HMG20A: variants seen among roughly 807,000 people sequenced by gnomAD.
HMG20A encodes the protein high mobility group 20A, also known as high mobility group protein 20A.
A neutral mutation model predicts 43.9 loss-of-function variants in HMG20A; 17 were observed. The ratio of observed to expected loss-of-function variants is 0.39; its 90% CI spans 0.27 to 0.58. The LOEUF is 0.58. HMG20A is among the 20% of genes least tolerant of loss of function. HMG20A has a pLI of 0.59. For missense variants in HMG20A, 341 were observed against 438.2 expected, an observed-to-expected ratio of 0.78 and a Z score of 1.98; for synonymous variants, 132 against 147.5, an observed-to-expected ratio of 0.89 and a Z score of 0.76.
chr15:77,426,314 C>T (rs532491838), intron 1 of HMG20A, among the ~76,000 whole-genome samples: 145 of 152,186 alleles, frequency 9.5e-4, no homozygotes, highest in African/African-American at 3.3e-3. Context: ...AAGTTAACTA[C>T]GTAAATAGCT....
chr15:77,474,741 A>G (rs991324915), intron 6 of HMG20A, among the ~76,000 whole-genome samples: 1 of 152,232 alleles, frequency 6.6e-6, no homozygotes, highest in African/African-American at 2.4e-5. Context: ...GCCATTCTGC[A>G]TAGCAGTGGG....
chr15:77,514,881 G>A, the HMG20A span, among the ~76,000 whole-genome samples: 1 of 152,196 alleles, frequency 6.6e-6, no homozygotes, highest in Non-Finnish European at 1.5e-5. Flanking sequence ...CTCTGCATGT[G>A]CTGTGGGGAT....
At chr15:77,471,142 GT>G (rs2072804659) in intron 5 of HMG20A, 100 bp downstream of exon 5, 3 of 1,226,526 alleles carry the variant, frequency 2.4e-6, no homozygotes, top group Non-Finnish European at 3.3e-6. Context: ...ATGTGTTTCT[GT>G]TTTTTCTCCA....
chr15:77,421,105 G>T, intron 1 of HMG20A, 101 bp downstream of exon 1: 1 of 385,898 alleles, frequency 2.6e-6, no homozygotes, highest in Non-Finnish European at 4.6e-6. Flanking sequence ...GTTTGTCTCA[G>T]TTGGAGGCCG....
At chr15:77,478,062 T>G in intron 7 of HMG20A, 1 of 564,276 alleles carries the variant, frequency 1.8e-6, no homozygotes, top group Non-Finnish European at 3.2e-6. Flanking sequence ...ATTGAAACTG[T>G]TTGTTGCAAT....
chr15:77,478,270 T>A (rs1410615291), intron 7 of HMG20A, 25 bp from the exon 8 acceptor site: 8 of 1,610,356 alleles, frequency 5.0e-6, no homozygotes, highest in Non-Finnish European at 6.8e-6. Flanking sequence ...GTGCTGCATG[T>A]GTTCTGTGGG....
intron 6 of HMG20A, among the ~76,000 whole-genome samples, chr15:77,476,123 C>T (rs2072852512): frequency 6.6e-6 from 1 of 152,184 alleles, no homozygotes; most frequent in African/African-American, 2.4e-5. Context: ...AGATTTCCCT[C>T]TTAAGCTGTG....
chr15:77,488,328 G>T (rs1046073077), downstream of HMG20A, among the ~76,000 whole-genome samples: 3 of 152,138 alleles, frequency 2.0e-5, 1 homozygote, highest in Admixed American at 2.0e-4. Flanking sequence ...GGAATACAAA[G>T]ATGTTTATAA....
intron 1 of HMG20A, among the ~76,000 whole-genome samples, chr15:77,425,579 C>T (rs1465072048): frequency 6.6e-6 from 1 of 151,922 alleles, no homozygotes; most frequent in Non-Finnish European, 1.5e-5. Flanking sequence ...CTGATCTCTG[C>T]TCCTCAATTT....
chr15:77,449,797 C>T (rs141266251), intron 1 of HMG20A, among the ~76,000 whole-genome samples: 5 of 152,256 alleles, frequency 3.3e-5, no homozygotes, highest in Non-Finnish European at 7.4e-5. Flanking sequence ...AATCAATGAA[C>T]CTATATTGAC....
At chr15:77,443,583 G>T (rs575475650) in intron 1 of HMG20A, among the ~76,000 whole-genome samples, 51 of 151,382 alleles carry the variant, frequency 3.4e-4, no homozygotes, top group Admixed American at 7.2e-4. Context: ...GTAGAGACAG[G>T]GTTTCACCAT....
intron 1 of HMG20A, among the ~76,000 whole-genome samples, chr15:77,438,944 C>T (rs140855802): frequency 0.023 from 3,442 of 152,234 alleles, 109 homozygotes; most frequent in African/African-American, 0.072. Flanking sequence ...GCACCTGTCA[C>T]CACGCCCGGC....
At chr15:77,490,498 T>C (rs1254299218), downstream of HMG20A, among the ~76,000 whole-genome samples, 1 of 151,346 alleles carries the variant, frequency 6.6e-6, no homozygotes, top group African/African-American at 2.4e-5. Context: ...TGCTGAGGAG[T>C]GGGATGTGGA....
intron 1 of HMG20A, among the ~76,000 whole-genome samples, chr15:77,447,542 T>G (rs554451725): frequency 8.5e-5 from 13 of 152,212 alleles, no homozygotes; most frequent in Non-Finnish European, 1.8e-4. Flanking sequence ...TCTCTTTTGA[T>G]GATCTAGTAC....
chr15:77,474,430 C>T (rs1353315797), intron 6 of HMG20A, among the ~76,000 whole-genome samples: 1 of 152,162 alleles, frequency 6.6e-6, no homozygotes, highest in Admixed American at 6.5e-5. Context: ...TACCCAGAAT[C>T]ACTTACTGAA....
intron 9 of HMG20A, among the ~76,000 whole-genome samples, chr15:77,481,564 C>T (rs1408127669): frequency 6.6e-6 from 1 of 152,140 alleles, no homozygotes; most frequent in African/African-American, 2.4e-5. Flanking sequence ...AGCATTTTGC[C>T]AGTAAGACTC....
the HMG20A span, among the ~76,000 whole-genome samples, chr15:77,497,678 AGAGAGTGTGT>A: frequency 1.5e-3 from 189 of 129,486 alleles, no homozygotes; most frequent in Middle Eastern, 0.013. Context: ...AGAGAGAGAG[AGAGAGTGTGT>A]GTGTGTGTGT....
downstream of HMG20A, among the ~76,000 whole-genome samples, chr15:77,488,834 AACTT>A (rs1277255537): frequency 2.0e-5 from 3 of 152,340 alleles, no homozygotes; most frequent in East Asian, 5.8e-4. Context: ...TATTTTGTGA[AACTT>A]ACACTTCAGA....
chr15:77,421,936 A>G (rs2073359271), intron 1 of HMG20A, among the ~76,000 whole-genome samples: 1 of 152,236 alleles, frequency 6.6e-6, no homozygotes, highest in South Asian at 2.1e-4. Flanking sequence ...TTTAAAGTAT[A>G]AAGCAAGGGT....
Sources: gnomAD v4.1 joint callset for allele counts (sites outside exome capture counted in the v4.1 genomes callset) on GRCh38, gnomAD v4.1.1 for gene constraint, MANE v1.5 for transcripts, NCBI Gene and HGNC (gene_info 2026-07-23, HGNC 2026-07-21) for gene names.